The following PRKD1 variants were observed in gnomAD, a reference collection of about 807,000 sequenced individuals.
PRKD1 encodes protein kinase D1.
PRKD1 carries 63 observed loss-of-function variants against 95.9 expected under a neutral mutation model. That is an observed-to-expected ratio of 0.66 (90% CI 0.54 to 0.81). PRKD1 has a LOEUF of 0.81. PRKD1 is among the 30% of genes least tolerant of loss of function. The pLI, the probability that PRKD1 is intolerant of heterozygous loss-of-function variation, is 0.00. For missense variants in PRKD1, 1,048 were observed against 1,165.3 expected (o/e 0.90, Z 1.47); for synonymous variants, 425 against 423.1 (o/e 1.00, Z -0.05).
intron 4 of PRKD1, among the ~76,000 whole-genome samples, chr14:29,653,618 T>C (rs1415217763): frequency 6.6e-6 from 1 of 152,130 alleles, no homozygotes; most frequent in Non-Finnish European, 1.5e-5. Flanking sequence ...GACAAAAATA[T>C]TATCTTTAAT....
chr14:29,891,346 T>C (rs1206470912), intron 1 of PRKD1, among the ~76,000 whole-genome samples: 2 of 152,132 alleles, frequency 1.3e-5, no homozygotes, highest in Non-Finnish European at 2.9e-5. Context: ...ACAGCCTCTG[T>C]CCAATTCAGT....
At chr14:29,635,479 T>C (rs1484371535) in intron 7 of PRKD1, among the ~76,000 whole-genome samples, 3 of 152,142 alleles carry the variant, frequency 2.0e-5, no homozygotes, top group African/African-American at 7.2e-5. Context: ...ATTATGCCAT[T>C]AAATGGAAAA....
At chr14:29,731,793 CTG>C (rs1454220859) in intron 1 of PRKD1, among the ~76,000 whole-genome samples, 1 of 151,842 alleles carries the variant, frequency 6.6e-6, no homozygotes, top group Non-Finnish European at 1.5e-5. Flanking sequence ...CTTTAAATCC[CTG>C]TGTCTTTATA....
intron 1 of PRKD1, among the ~76,000 whole-genome samples, chr14:29,865,222 GT>G (rs1016150723): frequency 1.3e-5 from 2 of 152,146 alleles, no homozygotes; most frequent in Admixed American, 1.3e-4. Context: ...GTGGGTGACT[GT>G]TTGTCTTATT....
chr14:29,663,679 G>C lies in PRKD1; in HGVS notation c.696+20C>G, dbSNP rs768919739. ...AGATTTCTCATGTAAATGGGGAAGTGGGTAAACAGGAAGCCATACCAGAAG... is the reference window on the plus strand; with the variant it reads ...AGATTTCTCATGTAAATGGGGAAGTCGGTAAACAGGAAGCCATACCAGAAG... On this transcript the variant is annotated intron_variant, in intron 4 of 17. Transcript: ENST00000331968. The C allele has an allele frequency of 1.9e-6, 3 of 1,610,220 alleles. No individual in the cohort carries two copies. The highest frequency in any genetic ancestry group is 2.5e-6 in the Non-Finnish European group (3 of 1,176,930).
chr14:29,719,633 C>T (rs1370374314), intron 2 of PRKD1, among the ~76,000 whole-genome samples: 1 of 152,182 alleles, frequency 6.6e-6, no homozygotes, highest in Non-Finnish European at 1.5e-5. Flanking sequence ...AATTTATATT[C>T]TATAGCTTTT....
chr14:29,780,359 G>A (rs181388149), intron 1 of PRKD1, among the ~76,000 whole-genome samples: 131 of 152,306 alleles, frequency 8.6e-4, no homozygotes, highest in Admixed American at 4.7e-3. Context: ...GCAACCTACA[G>A]AATGGGAGAA....
At chr14:29,893,347 T>C (rs1894005718) in intron 1 of PRKD1, among the ~76,000 whole-genome samples, 1 of 151,846 alleles carries the variant, frequency 6.6e-6, no homozygotes, top group South Asian at 2.1e-4. Flanking sequence ...CTTTCTAAAA[T>C]AATTAGAATA....
intron 1 of PRKD1, among the ~76,000 whole-genome samples, chr14:29,920,821 T>C (rs933769345): frequency 6.6e-6 from 1 of 152,232 alleles, no homozygotes; most frequent in African/African-American, 2.4e-5. Context: ...TAAATTTGCC[T>C]TCTCATCTCA....
intron 4 of PRKD1, among the ~76,000 whole-genome samples, chr14:29,662,522 A>G (rs919666916): frequency 2.6e-5 from 4 of 152,098 alleles, no homozygotes; most frequent in African/African-American, 9.7e-5. Flanking sequence ...GCCTTCTCCA[A>G]CTAGGTTCAC....
intron 4 of PRKD1, among the ~76,000 whole-genome samples, chr14:29,648,010 C>A (rs926906466): frequency 1.3e-5 from 2 of 152,314 alleles, no homozygotes; most frequent in Admixed American, 6.5e-5. Flanking sequence ...AACTTATGCT[C>A]ATCTATTTTG....
At chr14:29,774,727 C>T (rs746754968) in intron 1 of PRKD1, among the ~76,000 whole-genome samples, 1 of 148,040 alleles carries the variant, frequency 6.8e-6, no homozygotes, top group African/African-American at 2.5e-5. Context: ...GAGGAGGAAA[C>T]TATGCTTTGG....
intron 1 of PRKD1, among the ~76,000 whole-genome samples, chr14:29,819,691 A>AAAAATAAAATAAAATAAAATAACAT (rs1566618440): frequency 6.6e-6 from 1 of 152,114 alleles, no homozygotes; most frequent in East Asian, 1.9e-4. Context: ...CTCCGTCTCA[A>AAAAATAAAATAAAATAAAATAACAT]AAAATAAAAT....
chr14:29,601,697 G>T (rs1389383249), intron 13 of PRKD1, among the ~76,000 whole-genome samples: 1 of 152,174 alleles, frequency 6.6e-6, no homozygotes, highest in Non-Finnish European at 1.5e-5. Flanking sequence ...TTATGGGAGG[G>T]CCAGAGGCTA....
At chr14:29,775,815 A>G (rs1888719082) in intron 1 of PRKD1, among the ~76,000 whole-genome samples, 1 of 152,102 alleles carries the variant, frequency 6.6e-6, no homozygotes, top group Non-Finnish European at 1.5e-5. Flanking sequence ...CCCAGCATGG[A>G]GTTTGAGATC....
chr14:29,768,659 A>G (rs895039451), intron 1 of PRKD1, among the ~76,000 whole-genome samples: 30 of 151,694 alleles, frequency 2.0e-4, no homozygotes, highest in African/African-American at 7.3e-4. Flanking sequence ...TTTAAGGCTT[A>G]GTATTTGTTT....
At chr14:29,875,674 C>G (rs900829878) in intron 1 of PRKD1, among the ~76,000 whole-genome samples, 1 of 152,168 alleles carries the variant, frequency 6.6e-6, no homozygotes, top group Non-Finnish European at 1.5e-5. Flanking sequence ...TTATGCACTG[C>G]TGATGTCCAT....
chr14:29,665,965 T>TC, intron 3 of PRKD1, 112 bp downstream of exon 3: 2 of 1,214,396 alleles, frequency 1.6e-6, no homozygotes, highest in Non-Finnish European at 2.2e-6. Flanking sequence ...CTTTATCCAC[T>TC]CATTGGTTGA....
chr14:29,859,657 C>T (rs181494631), intron 1 of PRKD1, among the ~76,000 whole-genome samples: 1 of 150,294 alleles, frequency 6.7e-6, no homozygotes, highest in Admixed American at 6.6e-5. Flanking sequence ...ATTCAGTCAA[C>T]AAGCTTCCTC....
Sources: allele counts gnomAD v4.1 joint callset (sites outside exome capture counted in the v4.1 genomes callset), GRCh38; gene constraint gnomAD v4.1.1; transcripts MANE v1.5; gene names NCBI Gene and HGNC (gene_info 2026-07-23, HGNC 2026-07-21).